SEMA3C: variants seen among roughly 807,000 people sequenced by gnomAD.
The protein encoded by SEMA3C is semaphorin 3C, also known as semaphorin-3C.
Under a neutral mutation model 89.4 loss-of-function variants are expected in SEMA3C, and 47 were observed. The ratio of observed to expected loss-of-function variants is 0.53; its 90% CI spans 0.42 to 0.67. The LOEUF (loss-of-function observed/expected upper bound fraction) is 0.67. SEMA3C is among the 30% of genes least tolerant of loss of function. The pLI is 0.00. For synonymous variants in SEMA3C, 310 were observed against 320.2 expected (o/e 0.97, Z 0.34); for missense variants, 839 against 929.1 (o/e 0.90, Z 1.26).
At chr7:80,766,766 T>C (rs1238488164) in intron 12 of SEMA3C, among the ~76,000 whole-genome samples, 1 of 152,160 alleles carries the variant, frequency 6.6e-6, no homozygotes, top group African/African-American at 2.4e-5. Flanking sequence ...CAGTAAGATC[T>C]CAGGAGCTGA....
At chr7:80,781,241 G>A (rs1421019494) in intron 12 of SEMA3C, among the ~76,000 whole-genome samples, 1 of 152,144 alleles carries the variant, frequency 6.6e-6, no homozygotes, top group Non-Finnish European at 1.5e-5. Context: ...AAACATATCT[G>A]CAAGTTCCTT....
rs1021579859 is a variant in SEMA3C at position 80,743,330 on chromosome 7, G to A, written c.*1564C>T. 9.9e-5 allele frequency: 15 copies of A among 151,636 alleles called. No individual in the cohort carries two copies. The highest frequency in any genetic ancestry group is 3.6e-4 in the African/African-American group (15 of 41,358). The allele number at this position is 151,636 out of a possible 1,614,324, so 9.4% of individuals were successfully genotyped here. A position where few individuals can be genotyped will look rare whatever the true frequency, so the allele number is the denominator to read the frequency against. The stretch of plus-strand genomic sequence containing the variant: ...TAGTTTAAATAGTGAATCATATTCT[G>A]ATATTCTGATTAATAATCATATTAA... On this transcript the variant is annotated 3_prime_UTR_variant, in exon 18 of 18. Coordinates refer to ENST00000265361, the MANE Select transcript of SEMA3C (RefSeq NM_006379.5).
chr7:80,754,284 A>T (rs1372115239), intron 15 of SEMA3C, among the ~76,000 whole-genome samples: 1 of 152,124 alleles, frequency 6.6e-6, no homozygotes, highest in African/African-American at 2.4e-5. Flanking sequence ...AGCCAATGAT[A>T]TTTACCAACT....
intron 12 of SEMA3C, among the ~76,000 whole-genome samples, chr7:80,772,984 G>A (rs1788468152): frequency 6.6e-6 from 1 of 152,080 alleles, no homozygotes; most frequent in Non-Finnish European, 1.5e-5. Flanking sequence ...TGGAGGTGCT[G>A]CATATTAAAT....
chr7:80,777,557 G>A (rs946942718), intron 12 of SEMA3C, among the ~76,000 whole-genome samples: 1 of 152,154 alleles, frequency 6.6e-6, no homozygotes, highest in Non-Finnish European at 1.5e-5. Context: ...CTCCCAAAGT[G>A]CTGGGAGTAC....
intron 13 of SEMA3C, among the ~76,000 whole-genome samples, chr7:80,763,331 T>G (rs1438559972): frequency 6.6e-6 from 1 of 152,176 alleles, no homozygotes; most frequent in Admixed American, 6.5e-5. Context: ...CACCCAATTA[T>G]TTTTACCTCA....
In SEMA3C at chr7:80,897,537, G is replaced by C. The variant is rs561691446; in HGVS notation, c.103+19142C>G. Reference sequence around the variant, plus strand: ...AAAAGCAAAGGATAAGTAAAAATGAGAGGAGATGTTCATGATAGGAAACAT... The same window carrying C: ...AAAAGCAAAGGATAAGTAAAAATGACAGGAGATGTTCATGATAGGAAACAT... On this transcript the variant is annotated intron_variant, in intron 2 of 17. Transcript: ENST00000265361. 9.2e-5 allele frequency among the ~76,000 whole-genome samples: 14 copies of C among 152,254 alleles called. No individual in the cohort carries two copies. The South Asian group carries it at 2.7e-3, about 29-fold the overall frequency.
chr7:80,795,848 T>C (rs1789051512), intron 11 of SEMA3C, among the ~76,000 whole-genome samples: 1 of 152,158 alleles, frequency 6.6e-6, no homozygotes, highest in East Asian at 1.9e-4. Flanking sequence ...TTCCATGGTG[T>C]AGATAGTTCC....
chr7:80,770,878 G>A (rs1483474802), intron 12 of SEMA3C, among the ~76,000 whole-genome samples: 1 of 152,186 alleles, frequency 6.6e-6, no homozygotes, highest in East Asian at 1.9e-4. Flanking sequence ...TGGAGGTGCT[G>A]GAGCCATTCT....
intron 12 of SEMA3C, among the ~76,000 whole-genome samples, chr7:80,768,374 C>T (rs942223115): frequency 2.0e-5 from 3 of 152,080 alleles, no homozygotes; most frequent in Non-Finnish European, 4.4e-5. Flanking sequence ...ATTAGCCAGG[C>T]GTGCTGGCAG....
intron 5 of SEMA3C, among the ~76,000 whole-genome samples, chr7:80,815,729 CA>C (rs138060872): frequency 0.01 from 1,564 of 151,932 alleles, 27 homozygotes; most frequent in African/African-American, 0.036. Context: ...AAATTTCATT[CA>C]AAAAGCATAG....
At chr7:80,808,136 G>A (rs1789383953) in intron 6 of SEMA3C, among the ~76,000 whole-genome samples, 2 of 152,028 alleles carry the variant, frequency 1.3e-5, no homozygotes, top group Non-Finnish European at 2.9e-5. Context: ...AATTCTCTAA[G>A]GGCAAGACTA....
intron 2 of SEMA3C, among the ~76,000 whole-genome samples, chr7:80,904,824 C>A (rs892759021): frequency 1.2e-4 from 18 of 152,064 alleles, no homozygotes; most frequent in Admixed American, 3.3e-4. Context: ...TGGGGTGTGG[C>A]CTTGGCATCA....
chr7:80,751,220 G>A (rs552844448), intron 16 of SEMA3C, 49 bp downstream of exon 16: 19 of 1,408,352 alleles, frequency 1.3e-5, no homozygotes, highest in African/African-American at 1.1e-4. Context: ...AATGTGATAC[G>A]GAGCATTGCT....
intron 11 of SEMA3C, among the ~76,000 whole-genome samples, chr7:80,791,525 G>C (rs1788940444): frequency 6.6e-6 from 1 of 152,124 alleles, no homozygotes; most frequent in Non-Finnish European, 1.5e-5. Context: ...CTGTTTGATA[G>C]CAATAGGCAC....
At chr7:80,792,418 T>G (rs1168807086) in intron 11 of SEMA3C, among the ~76,000 whole-genome samples, 1 of 152,232 alleles carries the variant, frequency 6.6e-6, no homozygotes, top group African/African-American at 2.4e-5. Context: ...AAATGTCTCC[T>G]TAAGTATTTG....
At chr7:80,776,681 C>T (rs1788556100) in intron 12 of SEMA3C, among the ~76,000 whole-genome samples, 1 of 152,170 alleles carries the variant, frequency 6.6e-6, no homozygotes, top group Non-Finnish European at 1.5e-5. Context: ...ATATTACCAA[C>T]GGATTCATCT....
chr7:80,782,407 C>T (rs747987109), intron 12 of SEMA3C, among the ~76,000 whole-genome samples: 3 of 152,118 alleles, frequency 2.0e-5, no homozygotes, highest in Non-Finnish European at 2.9e-5. Context: ...CCAATGCTAA[C>T]GCTGACTGTC....
intron 10 of SEMA3C, among the ~76,000 whole-genome samples, chr7:80,798,969 T>C (rs1316467428): frequency 6.6e-6 from 1 of 152,212 alleles, no homozygotes; most frequent in East Asian, 1.9e-4. Flanking sequence ...GTAAGATACA[T>C]TGTTAATCAT....
Sources: allele counts gnomAD v4.1 joint callset (sites outside exome capture counted in the v4.1 genomes callset), GRCh38; gene constraint gnomAD v4.1.1; transcripts MANE v1.5; gene names NCBI Gene and HGNC (gene_info 2026-07-23, HGNC 2026-07-21).